PLD5: variants seen among roughly 807,000 people sequenced by gnomAD.
PLD5 encodes inactive phospholipase D5.
PLD5 carries 36 observed loss-of-function variants against 61.1 expected under a neutral mutation model. The ratio of observed to expected loss-of-function variants is 0.59; its 90% CI spans 0.45 to 0.78. The LOEUF is 0.78. Ranked by LOEUF, PLD5 falls within the 30% of genes least tolerant of loss-of-function variation. The pLI, the probability that PLD5 is intolerant of heterozygous loss-of-function variation, is 0.00. For missense variants in PLD5, 515 were observed against 644.4 expected, an observed-to-expected ratio of 0.80 and a Z score of 2.17; for synonymous variants, 243 against 242.8, an observed-to-expected ratio of 1.00 and a Z score of -0.01.
At chr1:242,471,416 G>T (rs574352930) in intron 1 of PLD5, among the ~76,000 whole-genome samples, 4 of 152,178 alleles carry the variant, frequency 2.6e-5, no homozygotes, top group African/African-American at 9.7e-5. Flanking sequence ...AGGAAGTGAA[G>T]GTCTTGGAAG....
chr1:242,524,038 T>G, intron 1 of PLD5, 50 bp downstream of exon 1: 2 of 1,502,040 alleles, frequency 1.3e-6, no homozygotes, highest in Non-Finnish European at 1.8e-6. Flanking sequence ...ACGGGGAGGG[T>G]GCATGCGGCA....
chr1:242,459,908 G>A (rs1021967430), intron 1 of PLD5, among the ~76,000 whole-genome samples: 2 of 152,088 alleles, frequency 1.3e-5, no homozygotes, highest in Non-Finnish European at 2.9e-5. Context: ...ATCTTGCCGC[G>A]GCTCTTCTAG....
At chr1:242,451,765 T>TTC (rs1000948641) in intron 1 of PLD5, among the ~76,000 whole-genome samples, 22 of 152,216 alleles carry the variant, frequency 1.4e-4, no homozygotes, top group Admixed American at 1.3e-3. Context: ...CAGTCTAAAA[T>TTC]TCTTGAATGG....
intron 4 of PLD5, among the ~76,000 whole-genome samples, chr1:242,244,440 T>C (rs1162988160): frequency 6.6e-6 from 1 of 152,204 alleles, no homozygotes; most frequent in African/African-American, 2.4e-5. Flanking sequence ...GATTAGATAC[T>C]GAAAGGAATT....
intron 5 of PLD5, among the ~76,000 whole-genome samples, chr1:242,189,185 G>C (rs960741371): frequency 8.5e-5 from 13 of 152,190 alleles, no homozygotes; most frequent in Admixed American, 6.5e-5. Flanking sequence ...GGTGGCTCAC[G>C]CCTGTAATCC....
At chr1:242,470,687 T>G (rs1345801024) in intron 1 of PLD5, among the ~76,000 whole-genome samples, 1 of 152,208 alleles carries the variant, frequency 6.6e-6, no homozygotes, top group East Asian at 1.9e-4. Context: ...GAGAGGCAAA[T>G]GTAATTGATA....
chr1:242,346,826 G>A (rs143701588), intron 2 of PLD5, among the ~76,000 whole-genome samples: 2,426 of 152,102 alleles, frequency 0.016, 66 homozygotes, highest in African/African-American at 0.055. Flanking sequence ...TCTCCAACAG[G>A]CCCTAGGGTG....
intron 1 of PLD5, among the ~76,000 whole-genome samples, chr1:242,445,154 G>A (rs749915392): frequency 6.6e-5 from 10 of 152,076 alleles, no homozygotes; most frequent in Non-Finnish European, 8.8e-5. Context: ...TGAAGGCTCC[G>A]CCATCACTAA....
At chr1:242,179,366 CT>C (rs1402833563) in intron 5 of PLD5, among the ~76,000 whole-genome samples, 1 of 152,166 alleles carries the variant, frequency 6.6e-6, no homozygotes, top group Admixed American at 6.5e-5. Flanking sequence ...TCCAAAAGCT[CT>C]GTTGGTTTAT....
rs1263018597 is a variant in PLD5 at position 242,348,251 on chromosome 1, G to C, written c.190-9C>G. On this transcript the variant is annotated splice_polypyrimidine_tract_variant and intron_variant, in intron 1 of 9. Transcript: ENST00000536534. ...ATGCACTTCTGCTGGGACTGAAAGA[G>C]GAAACAAAGACAAAGAAAAGTAAGT... is the stretch of plus-strand genomic sequence containing the variant. 6.6e-7 allele frequency: 1 copy of C among 1,508,110 alleles called. No homozygotes were observed. The allele number at this position is 1,508,110 out of a possible 1,614,324, so 93.4% of individuals were successfully genotyped here. A position where few individuals can be genotyped will look rare whatever the true frequency, so the allele number is the denominator to read the frequency against.
At chr1:242,350,546 G>A (rs186907146) in intron 1 of PLD5, among the ~76,000 whole-genome samples, 1 of 151,846 alleles carries the variant, frequency 6.6e-6, no homozygotes, top group African/African-American at 2.4e-5. Context: ...TATCACCAAA[G>A]CCACATGATT....
At chr1:242,482,726 T>C (rs10926750) in intron 1 of PLD5, among the ~76,000 whole-genome samples, 66,486 of 151,394 alleles carry the variant, frequency 0.44, 14,971 homozygotes, top group African/African-American at 0.52. Flanking sequence ...AGATACTCCT[T>C]GAGAAGAGCA....
At chr1:242,313,380 T>C (rs1229243383) in intron 2 of PLD5, among the ~76,000 whole-genome samples, 1 of 152,226 alleles carries the variant, frequency 6.6e-6, no homozygotes, top group Non-Finnish European at 1.5e-5. Flanking sequence ...GATAGATCTT[T>C]TGCTGTCATG....
intron 1 of PLD5, among the ~76,000 whole-genome samples, chr1:242,372,976 C>A (rs191747864): frequency 0.028 from 4,304 of 152,166 alleles, 153 homozygotes; most frequent in East Asian, 0.15. Flanking sequence ...TTCTGCACAG[C>A]AAAAGAAACT....
At chr1:242,257,607 G>T (rs1673147269) in intron 4 of PLD5, among the ~76,000 whole-genome samples, 1 of 152,132 alleles carries the variant, frequency 6.6e-6, no homozygotes, top group African/African-American at 2.4e-5. Context: ...CTTGAAAATT[G>T]CTAAGGAAGT....
chr1:242,308,853 G>T (rs1450510373), intron 2 of PLD5, among the ~76,000 whole-genome samples: 1 of 152,094 alleles, frequency 6.6e-6, no homozygotes, highest in Non-Finnish European at 1.5e-5. Context: ...ATTCTCGCTT[G>T]CTTAACCCTG....
At chr1:242,164,233 T>C (rs1242757017) in intron 5 of PLD5, among the ~76,000 whole-genome samples, 2 of 152,160 alleles carry the variant, frequency 1.3e-5, no homozygotes, top group Non-Finnish European at 2.9e-5. Context: ...CCATCTGTTC[T>C]TGGAAATAAA....
intron 5 of PLD5, among the ~76,000 whole-genome samples, chr1:242,172,241 C>G (rs1179441132): frequency 6.6e-6 from 1 of 152,202 alleles, no homozygotes; most frequent in Non-Finnish European, 1.5e-5. Context: ...AACTGCACAA[C>G]TACATGGAAA....
At chr1:242,524,036 G>A (rs1669363470) in intron 1 of PLD5, 52 bp downstream of exon 1, 6 of 1,494,326 alleles carry the variant, frequency 4.0e-6, no homozygotes, top group Non-Finnish European at 5.3e-6. Context: ...CCACGGGGAG[G>A]GTGCATGCGG....
Sources: allele counts gnomAD v4.1 joint callset (sites outside exome capture counted in the v4.1 genomes callset), GRCh38; gene constraint gnomAD v4.1.1; transcripts MANE v1.5; gene names NCBI Gene and HGNC (gene_info 2026-07-23, HGNC 2026-07-21).